The following SCUBE1 variants were observed in gnomAD, a reference collection of about 807,000 sequenced individuals.
SCUBE1 encodes the protein signal peptide, CUB and EGF-like domain-containing protein 1.
SCUBE1 carries 59 observed loss-of-function variants against 124.4 expected under a neutral mutation model. The observed-to-expected ratio is 0.47, with a 90% CI of 0.38 to 0.59. SCUBE1 has a LOEUF of 0.59. Among genes scored for constraint, SCUBE1 ranks in the 20% least tolerant of loss-of-function variants. The probability of loss-of-function intolerance (pLI) is 0.00; values close to 1 mark genes in which losing one functional copy is unlikely to be tolerated. For synonymous variants in SCUBE1, 545 were observed against 550.9 expected, an observed-to-expected ratio of 0.99 and a Z score of 0.15; for missense variants, 1,150 against 1,371.2, an observed-to-expected ratio of 0.84 and a Z score of 2.55.
At chr22:43,319,225 C>G (rs1055309022) in intron 3 of SCUBE1, among the ~76,000 whole-genome samples, 1 of 151,878 alleles carries the variant, frequency 6.6e-6, no homozygotes, top group Non-Finnish European at 1.5e-5. Context: ...TAGAGTGGGC[C>G]CTACTCCAAT....
At chr22:43,301,815 A>G (rs1384686724) in intron 3 of SCUBE1, among the ~76,000 whole-genome samples, 1 of 152,236 alleles carries the variant, frequency 6.6e-6, no homozygotes, top group Non-Finnish European at 1.5e-5. Context: ...TGCGGACTGG[A>G]TAACGGACTG....
chr22:43,209,057 G>T (rs946945744), intron 19 of SCUBE1, among the ~76,000 whole-genome samples: 5 of 152,234 alleles, frequency 3.3e-5, no homozygotes, highest in African/African-American at 1.2e-4. Context: ...GTCCCAGGCC[G>T]GTCCCTTGCC....
At chr22:43,307,318 G>A (rs1380376502) in intron 3 of SCUBE1, among the ~76,000 whole-genome samples, 1 of 152,216 alleles carries the variant, frequency 6.6e-6, no homozygotes, top group East Asian at 1.9e-4. Flanking sequence ...CAAACTAAGC[G>A]TTCATCAGGA....
chr22:43,304,415 C>T (rs1178165089), intron 3 of SCUBE1, among the ~76,000 whole-genome samples: 2 of 152,230 alleles, frequency 1.3e-5, no homozygotes, highest in East Asian at 1.9e-4. Context: ...GTGGTGAGGA[C>T]ACTGGGAGAC....
At chr22:43,286,799 C>G (rs937486558) in intron 4 of SCUBE1, among the ~76,000 whole-genome samples, 1 of 148,242 alleles carries the variant, frequency 6.7e-6, no homozygotes, top group African/African-American at 2.5e-5. Context: ...AATGAATGAG[C>G]AGGTAAATAC....
rs1924848426 is a variant in SCUBE1, at chr22:43,281,435, T to TCAGCCATCCTCC, written c.484+9610_484+9611insGGAGGATGGCTG. The stretch of plus-strand genomic sequence containing the variant: ...CTCAGCCATCCTCCTGTCACCTCCC[T>TCAGCCATCCTCC]TGGCCACCCTCCTGTCATCTCCCTC... On this transcript the variant is annotated intron_variant, in intron 4 of 21. Transcript: ENST00000360835. Among the ~76,000 whole-genome samples, 10 of 85,736 alleles carry TCAGCCATCCTCC rather than the reference T, an allele frequency of 1.2e-4. 1 individual carries two copies. The highest frequency in any genetic ancestry group is 1.1e-3 in the African/African-American group (9 of 8,522). The allele number at this position is 85,736 out of a possible 152,430, so 56.2% of individuals were successfully genotyped here.
In SCUBE1 at chr22:43,203,487, C is replaced by G. The variant is rs1397992430; in HGVS notation, c.*510G>C. 1 of 154,984 alleles carries G rather than the reference C, an allele frequency of 6.5e-6. No homozygotes were observed. Among genetic ancestry groups the G allele is most frequent in the Non-Finnish European group, 1.4e-5 (1 of 69,946 alleles). The allele number at this position is 154,984 out of a possible 1,614,324, so 9.6% of individuals were successfully genotyped here. On this transcript the variant is annotated 3_prime_UTR_variant, in exon 22 of 22. Coordinates refer to ENST00000360835, the MANE Select transcript of SCUBE1 (RefSeq NM_173050.5). Reference sequence around the variant, plus strand: ...CTCTGTTCCATCCAATCACAGAACCCTTAGAGCGCAACAGCCCGGAGCCGT... The same window carrying G: ...CTCTGTTCCATCCAATCACAGAACCGTTAGAGCGCAACAGCCCGGAGCCGT...
intron 4 of SCUBE1, chr22:43,270,631 G>C (rs1026146069): frequency 1.3e-5 from 2 of 152,284 alleles, no homozygotes; most frequent in African/African-American, 4.8e-5. Flanking sequence ...GCCCTGCAGG[G>C]CAAGTAGCTT....
chr22:43,223,277 G>A, intron 10 of SCUBE1, 61 bp from the exon 11 acceptor site: 2 of 1,522,728 alleles, frequency 1.3e-6, no homozygotes, highest in Non-Finnish European at 1.7e-6. Context: ...CCTGGAGCCA[G>A]GAGGGTCCTG....
intron 6 of SCUBE1, among the ~76,000 whole-genome samples, chr22:43,241,892 G>A (rs900528665): frequency 5.9e-5 from 9 of 152,264 alleles, no homozygotes; most frequent in Admixed American, 5.9e-4. Flanking sequence ...TGCAGGCAGG[G>A]AGGGTCAAGT....
In SCUBE1 at chr22:43,203,968, C is replaced by T; in HGVS notation, c.*29G>A. On this transcript the variant is annotated 3_prime_UTR_variant, in exon 22 of 22. Transcript: ENST00000360835. ...GCAGGTGCACCCTCCGCGGACCAGGCCACCCCCAGGCAGGGCCGCTCCCCC... is the reference window on the plus strand; with the variant it reads ...GCAGGTGCACCCTCCGCGGACCAGGTCACCCCCAGGCAGGGCCGCTCCCCC... 3 of 1,612,494 alleles carry T rather than the reference C, an allele frequency of 1.9e-6. No individual in the cohort carries two copies. The highest frequency in any genetic ancestry group is 2.2e-5 in the East Asian group (1 of 44,862).
intron 7 of SCUBE1, chr22:43,238,576 C>T (rs1461127142): frequency 1.6e-6 from 1 of 606,512 alleles, no homozygotes; most frequent in Non-Finnish European, 3.0e-6. Flanking sequence ...AATTCTCTGA[C>T]ATCAGTGCCT....
chr22:43,227,514 G>GT lies in SCUBE1; in HGVS notation c.1085-19dup, dbSNP rs1569501550. On this transcript the variant is annotated intron_variant, in intron 9 of 21. Coordinates refer to ENST00000360835, the MANE Select transcript of SCUBE1 (RefSeq NM_173050.5). ...GTCCACATCTGGAAGCACAGCGGGC[G>GT]TAAGGGCAGAGGGGAGGCTGGCGGC... 2 of 1,609,100 alleles carry GT rather than the reference G, an allele frequency of 1.2e-6. No homozygotes were observed. Among genetic ancestry groups the GT allele is most frequent in the African/African-American group, 1.3e-5 (1 of 75,028 alleles).
intron 3 of SCUBE1, among the ~76,000 whole-genome samples, chr22:43,315,066 T>C (rs1034635752): frequency 6.6e-6 from 1 of 151,998 alleles, no homozygotes; most frequent in Non-Finnish European, 1.5e-5. Context: ...TGACAAATAA[T>C]TTAATAAGAA....
At chr22:43,222,058 C>T (rs944102788) in intron 12 of SCUBE1, among the ~76,000 whole-genome samples, 1 of 151,944 alleles carries the variant, frequency 6.6e-6, no homozygotes, top group Non-Finnish European at 1.5e-5. Flanking sequence ...AGCGAGACTC[C>T]GTTTTAAAAA....
intron 3 of SCUBE1, among the ~76,000 whole-genome samples, chr22:43,304,644 C>T (rs1925899476): frequency 6.6e-6 from 1 of 152,070 alleles, no homozygotes; most frequent in Admixed American, 6.5e-5. Context: ...CAGGAGAGCA[C>T]ATGGTATATA....
intron 8 of SCUBE1, 46 bp from the exon 9 acceptor site, chr22:43,229,234 G>T: frequency 9.0e-7 from 1 of 1,114,364 alleles, no homozygotes. Flanking sequence ...GTTTGAGGGA[G>T]TGGTGGGTGG....
chr22:43,218,631 A>G (rs1443445029), intron 14 of SCUBE1, among the ~76,000 whole-genome samples, 173 bp from the exon 15 acceptor site: 1 of 152,214 alleles, frequency 6.6e-6, no homozygotes, highest in Non-Finnish European at 1.5e-5. Context: ...ACAGATGAGG[A>G]GGCTGCGGAC....
chr22:43,341,753 C>T (rs1317299496), intron 1 of SCUBE1, among the ~76,000 whole-genome samples: 4 of 152,182 alleles, frequency 2.6e-5, no homozygotes, highest in African/African-American at 9.7e-5. Context: ...GGCGACCCAG[C>T]CCTCCTAGCA....
Sources: gnomAD v4.1 joint callset for allele counts (sites outside exome capture counted in the v4.1 genomes callset) on GRCh38, gnomAD v4.1.1 for gene constraint, MANE v1.5 for transcripts, NCBI Gene and HGNC (gene_info 2026-07-23, HGNC 2026-07-21) for gene names.